The following MED25 variants were observed in gnomAD, a reference collection of about 807,000 sequenced individuals.
The protein encoded by MED25 is mediator of RNA polymerase II transcription subunit 25.
In MED25, 62 loss-of-function variants were observed where a neutral mutation model predicts 89.4. The ratio of observed to expected loss-of-function variants is 0.69; its 90% CI spans 0.57 to 0.86. MED25 has a LOEUF of 0.86. MED25 is among the 40% of genes least tolerant of loss of function. The probability of loss-of-function intolerance (pLI) is 0.00; values close to 1 mark genes in which losing one functional copy is unlikely to be tolerated. For missense variants in MED25, 905 were observed against 1,005.2 expected (o/e 0.90, Z 1.35); for synonymous variants, 449 against 427.9 (o/e 1.05, Z -0.61).
chr19:49,840,096 G>C (rs754328384), downstream of MED25: 1 of 151,930 alleles, frequency 6.6e-6, no homozygotes, highest in African/African-American at 2.4e-5. Flanking sequence ...ATTAAACATC[G>C]TTCCCAGTTG....
chr19:49,840,281 A>G (rs901156985), downstream of MED25: 7 of 152,084 alleles, frequency 4.6e-5, no homozygotes, highest in Non-Finnish European at 1.0e-4. Flanking sequence ...TTCAATTTGT[A>G]TTTTTTCAAT....
At chr19:49,832,812 G>T in intron 13 of MED25, 1 of 331,066 alleles carries the variant, frequency 3.0e-6, no homozygotes, top group Non-Finnish European at 5.9e-6. Context: ...GTGTCAGCAG[G>T]GCCACGCTCT....
At chr19:49,823,563 T>G (rs1266882436) in intron 3 of MED25, among the ~76,000 whole-genome samples, 5 of 152,162 alleles carry the variant, frequency 3.3e-5, no homozygotes, top group African/African-American at 1.2e-4. Flanking sequence ...GGAGCTAAGT[T>G]GCTTGCTGTG....
At position 49,831,984 on chromosome 19, in the gene MED25, C is replaced by T; in HGVS notation, c.1279C>T (p.Leu427=). ...VDANTKLTRS[L]PCQVYVNHGE... is the part of the protein sequence containing the mutation. The stretch of plus-strand genomic sequence containing the variant: ...TGCCAACACCAAGCTGACGCGGTCA[C>T]TGCCCTGCCAGGTCTACGTGAATCA... Residue 427 remains leucine (L), a synonymous_variant, in exon 11 of 18, where the codon CTG becomes TTG. Coordinates refer to ENST00000312865, the MANE Select transcript of MED25 (RefSeq NM_030973.4). The surrounding 1 kb of genome is among the most constrained non-coding windows in gnomAD (Gnocchi z 5.0). 1 of 1,614,118 alleles carries T rather than the reference C, an allele frequency of 6.2e-7. No individual in the cohort carries two copies. The highest frequency in any genetic ancestry group is 2.2e-5 in the East Asian group (1 of 44,864).
Position 49,831,950 on chromosome 19 carries a change from C to G in MED25, c.1245C>G (p.Ala415=). ...VLEWQEKPKP[A]SVDANTKLTR... is the part of the protein sequence containing the mutation. ...TTCCCCCTCAGAAACCCAAACCTGC[C>G]TCAGTGGATGCCAACACCAAGCTGA... Residue 415 remains alanine, a synonymous_variant, in exon 11 of 18, where the codon GCC becomes GCG. Transcript: ENST00000312865. The surrounding 1 kb of genome is among the most constrained non-coding windows in gnomAD (Gnocchi z 5.0). 6.2e-6 allele frequency: 10 copies of G among 1,614,156 alleles called. No individual in the cohort carries two copies. The highest frequency in any genetic ancestry group is 7.6e-6 in the Non-Finnish European group (9 of 1,180,018).
At chr19:49,820,813 C>T (rs947530956) in intron 3 of MED25, among the ~76,000 whole-genome samples, 2 of 152,202 alleles carry the variant, frequency 1.3e-5, no homozygotes, top group African/African-American at 2.4e-5. Context: ...ATTGTAGAGT[C>T]TGGAGTCAGG....
At position 49,836,343 on chromosome 19, in the gene MED25, C is replaced by CT; in HGVS notation, c.2084dup (p.Leu696ProfsTer?). On this transcript the variant is annotated frameshift_variant, in exon 17 of 18. Transcript: ENST00000312865. LOFTEE classifies it high-confidence loss of function. This position sits in a 1 kb window ranked among gnomAD's most constrained non-coding sequence, Gnocchi z 5.1. The stretch of plus-strand genomic sequence containing the variant: ...GGGGCAGCCCCAGTTGGGGCCCCCA[C>CT]TCCTGCATCCACCACCTGCCCAGTC... 1 of 1,609,740 alleles carries CT rather than the reference C, an allele frequency of 6.2e-7. No homozygotes were observed.
chr19:49,836,522 G>C lies in MED25; in HGVS notation c.2146+116G>C. 3.3e-5 allele frequency: 42 copies of C among 1,278,714 alleles called. No individual in the cohort carries two copies. Among genetic ancestry groups the C allele is most frequent in the Non-Finnish European group, 4.3e-5 (39 of 899,158 alleles). The allele number at this position is 1,278,714 out of a possible 1,614,324, so 79.2% of individuals were successfully genotyped here. On this transcript the variant is annotated intron_variant, in intron 17 of 17. Coordinates refer to ENST00000312865, the MANE Select transcript of MED25 (RefSeq NM_030973.4). This position sits in a 1 kb window ranked among gnomAD's most constrained non-coding sequence, Gnocchi z 5.1. ...AAAGACATAGGATCCAAGAATGAGG[G>C]TTCCCCCATGGCCTTTGCGGAGCTC...
At chr19:49,832,812 G>A (rs1385389338) in intron 13 of MED25, 1 of 331,066 alleles carries the variant, frequency 3.0e-6, no homozygotes. Flanking sequence ...GTGTCAGCAG[G>A]GCCACGCTCT....
At position 49,830,194 on chromosome 19, in the gene MED25, GC is replaced by G; in HGVS notation, c.801del (p.Val268SerfsTer11). On this transcript the variant is annotated frameshift_variant, in exon 7 of 18. Transcript: ENST00000312865. LOFTEE classifies it high-confidence loss of function. The surrounding 1 kb of genome is among the most constrained non-coding windows in gnomAD (Gnocchi z 4.6). ...TCTCAGCAGCCCCCCAGCAGCCTCT[GC>G]CCCCCGTCCCCCCGCAGTACCAGGT... ...TLSAAPQQPL[P>X]PVPPQYQVPG... 1.9e-6 allele frequency: 3 copies of G among 1,606,736 alleles called. No individual in the cohort carries two copies. The highest frequency in any genetic ancestry group is 1.7e-6 in the Non-Finnish European group (2 of 1,175,490).
At chr19:49,837,687 G>A (rs1477163540), downstream of MED25, among the ~76,000 whole-genome samples, 1 of 152,168 alleles carries the variant, frequency 6.6e-6, no homozygotes, top group Admixed American at 6.5e-5. Flanking sequence ...AGGTGGTGGG[G>A]CTCCTGGGAG....
intron 3 of MED25, among the ~76,000 whole-genome samples, chr19:49,823,174 G>A (rs748059763): frequency 6.6e-6 from 1 of 152,118 alleles, no homozygotes; most frequent in African/African-American, 2.4e-5. Context: ...GACTGGTCTT[G>A]AACTCCTGGC....
chr19:49,840,193 G>A (rs754560839), downstream of MED25: 1 of 152,018 alleles, frequency 6.6e-6, no homozygotes, highest in Admixed American at 6.5e-5. Context: ...AAGGGAAGAC[G>A]CCAGCCTTTT....
At chr19:49,825,180 A>G (rs915345682) in intron 3 of MED25, among the ~76,000 whole-genome samples, 4 of 152,144 alleles carry the variant, frequency 2.6e-5, no homozygotes, top group African/African-American at 9.7e-5. Context: ...TTAGTGTTCA[A>G]TAAGAGAAAC....
At position 49,828,561 on chromosome 19, in the gene MED25, C is replaced by T. The variant is rs564179706; in HGVS notation, c.404+14C>T. 6.2e-7 allele frequency: 1 copy of T among 1,601,078 alleles called. No individual in the cohort carries two copies. Among genetic ancestry groups the T allele is most frequent in the South Asian group, 1.1e-5 (1 of 90,814 alleles). ...GCGCGAGCAGATGTGAGTGCCCCCT[C>T]CACCCAGGCCGGGCCGGTCTCTCTC... On this transcript the variant is annotated intron_variant, in intron 4 of 17. Coordinates refer to ENST00000312865, the MANE Select transcript of MED25 (RefSeq NM_030973.4).
chr19:49,837,695 GAGA>G (rs1555803076), downstream of MED25, among the ~76,000 whole-genome samples: 2 of 152,192 alleles, frequency 1.3e-5, no homozygotes, highest in Non-Finnish European at 2.9e-5. Flanking sequence ...GGGCTCCTGG[GAGA>G]AGGAGCTGGT....
At position 49,835,217 on chromosome 19, in the gene MED25, T is replaced by G. The variant is rs939068376; in HGVS notation, c.1674+40T>G. On this transcript the variant is annotated intron_variant, in intron 14 of 17. Transcript: ENST00000312865. The surrounding 1 kb of genome is among the most constrained non-coding windows in gnomAD (Gnocchi z 6.2). Reference sequence around the variant, plus strand: ...TCCCCAAACCAGCACTCCGACCCCCTCCTGCCCGGGCCCCACATGGCCCCC... The same window carrying G: ...TCCCCAAACCAGCACTCCGACCCCCGCCTGCCCGGGCCCCACATGGCCCCC... 1.2e-6 allele frequency: 2 copies of G among 1,609,640 alleles called. No homozygotes were observed. The highest frequency in any genetic ancestry group is 1.7e-6 in the Non-Finnish European group (2 of 1,176,678).
At position 49,830,282 on chromosome 19, in the gene MED25, G is replaced by C; in HGVS notation, c.819+64G>C. 6.5e-7 allele frequency: 1 copy of C among 1,532,720 alleles called. No homozygotes were observed. The highest frequency in any genetic ancestry group is 8.9e-7 in the Non-Finnish European group (1 of 1,119,310). 94.9% of individuals were successfully genotyped at this position (1,532,720 alleles called of 1,614,324 possible). On this transcript the variant is annotated intron_variant, in intron 7 of 17. Coordinates refer to ENST00000312865, the MANE Select transcript of MED25 (RefSeq NM_030973.4). This position sits in a 1 kb window ranked among gnomAD's most constrained non-coding sequence, Gnocchi z 4.6. ...TTGCTGGAGCCCTGGCCCCTGGGGA[G>C]AAATCTAGTTGCATGTTGGAGCTTG...
Position 49,830,375 on chromosome 19 carries a change from T to C in MED25, c.820-136T>C. 1.7e-6 allele frequency: 2 copies of C among 1,144,188 alleles called. No homozygotes were observed. Among genetic ancestry groups the C allele is most frequent in the Non-Finnish European group, 2.6e-6 (2 of 779,864 alleles). The allele number at this position is 1,144,188 out of a possible 1,614,324, so 70.9% of individuals were successfully genotyped here. A position where few individuals can be genotyped will look rare whatever the true frequency, so the allele number is the denominator to read the frequency against. On this transcript the variant is annotated intron_variant, in intron 7 of 17. Transcript: ENST00000312865. The surrounding 1 kb of genome is among the most constrained non-coding windows in gnomAD (Gnocchi z 4.6). ...CTTGGGGCCATGGAAGCTCATGTGCTGTGTGATGGGTGTTGTGAGCTAAGC... is the reference window on the plus strand; with the variant it reads ...CTTGGGGCCATGGAAGCTCATGTGCCGTGTGATGGGTGTTGTGAGCTAAGC...
Sources: gnomAD v4.1 joint callset for allele counts (sites outside exome capture counted in the v4.1 genomes callset) on GRCh38, gnomAD v4.1.1 for gene constraint, Gnocchi (gnomAD v3.1) non-coding constraint, MANE v1.5 for transcripts, NCBI Gene and HGNC (gene_info 2026-07-23, HGNC 2026-07-21) for gene names.